ADAMTSL3: variants seen among roughly 807,000 people sequenced by gnomAD.
ADAMTSL3 encodes the protein ADAMTS like 3.
In ADAMTSL3, 128 loss-of-function variants were observed where a neutral mutation model predicts 201.7. The observed-to-expected ratio is 0.63, with a 90% confidence interval of 0.55 to 0.73. The LOEUF (loss-of-function observed/expected upper bound fraction) is 0.73, where lower values mean the gene tolerates loss of function less well. Among genes scored for constraint, ADAMTSL3 ranks in the 30% least tolerant of loss-of-function variants. The pLI is 0.00. For missense variants in ADAMTSL3, 1,990 were observed against 2,119.6 expected (o/e 0.94, Z 1.20); for synonymous variants, 738 against 748.4 (o/e 0.99, Z 0.23).
chr15:83,887,573 T>C (rs900790718), intron 10 of ADAMTSL3, among the ~76,000 whole-genome samples: 1 of 152,244 alleles, frequency 6.6e-6, no homozygotes, highest in Non-Finnish European at 1.5e-5. Flanking sequence ...TATGACTCTT[T>C]GGGTACTCTT....
chr15:83,671,459 T>C (rs1427218443), intron 2 of ADAMTSL3, among the ~76,000 whole-genome samples: 1 of 152,224 alleles, frequency 6.6e-6, no homozygotes, highest in African/African-American at 2.4e-5. Flanking sequence ...AAATATTTTA[T>C]ACTATTTTAA....
At chr15:84,018,507 T>C (rs905783395) in intron 25 of ADAMTSL3, among the ~76,000 whole-genome samples, 2 of 152,206 alleles carry the variant, frequency 1.3e-5, no homozygotes, top group African/African-American at 4.8e-5. Context: ...GAAGCCACTT[T>C]AGTGAAGACA....
rs2063521297 is a variant in ADAMTSL3, at chr15:83,801,658, ATATATATATATATATATATAT to A, written c.318-2991_318-2971del. ...TATAAATATATAAATATAAATATAT[ATATATATATATATATATATAT>A]ATATATATATATATATGTATGTATG... On this transcript the variant is annotated intron_variant, in intron 4 of 29. Coordinates refer to ENST00000286744, the MANE Select transcript of ADAMTSL3 (RefSeq NM_207517.3). Among the ~76,000 whole-genome samples, 30 of 68,830 alleles carry A rather than the reference ATATATATATATATATATATAT, an allele frequency of 4.4e-4. 2 individuals carry two copies. Among genetic ancestry groups the A allele is most frequent in the African/African-American group, 1.1e-3 (23 of 21,446 alleles). 45.2% of individuals were successfully genotyped at this position (68,830 alleles called of 152,430 possible). A position where few individuals can be genotyped will look rare whatever the true frequency, so the allele number is the denominator to read the frequency against.
At chr15:83,672,133 C>G (rs146231437) in intron 2 of ADAMTSL3, among the ~76,000 whole-genome samples, 99 of 152,208 alleles carry the variant, frequency 6.5e-4, no homozygotes, top group African/African-American at 2.2e-3. Context: ...ACCCTTAAAT[C>G]CAAATAGAAG....
At chr15:83,968,881 T>C (rs1420040438) in intron 19 of ADAMTSL3, among the ~76,000 whole-genome samples, 1 of 152,178 alleles carries the variant, frequency 6.6e-6, no homozygotes, top group Non-Finnish European at 1.5e-5. Context: ...GAGACCATCA[T>C]TCTCAGCAAA....
intron 2 of ADAMTSL3, among the ~76,000 whole-genome samples, chr15:83,695,897 G>A (rs1461751015): frequency 6.6e-6 from 1 of 151,196 alleles, no homozygotes; most frequent in Non-Finnish European, 1.5e-5. Context: ...CAGGTTCAAG[G>A]AACCAAATGT....
chr15:83,683,353 A>G (rs764898530), intron 2 of ADAMTSL3, among the ~76,000 whole-genome samples: 12 of 151,912 alleles, frequency 7.9e-5, no homozygotes, highest in East Asian at 1.9e-4. Flanking sequence ...CTGCTCCTCT[A>G]TTGTTAATCC....
rs912223814 is a variant in ADAMTSL3 at position 83,987,280 on chromosome 15, G to A, written c.3717-1411G>A. On this transcript the variant is annotated intron_variant, in intron 21 of 29. Coordinates refer to ENST00000286744, the MANE Select transcript of ADAMTSL3 (RefSeq NM_207517.3). ...GCTGTTTTGACTTCTGCCAGCTTTT[G>A]TATATTTCTTATGTGTGCTGCAGCA... 3.3e-5 allele frequency among the ~76,000 whole-genome samples: 5 copies of A among 152,250 alleles called. No homozygotes were observed. The East Asian group carries it at 7.7e-4, about 23-fold the overall frequency.
At chr15:83,815,081 C>G (rs1185865238) in intron 5 of ADAMTSL3, among the ~76,000 whole-genome samples, 1 of 152,172 alleles carries the variant, frequency 6.6e-6, no homozygotes, top group Non-Finnish European at 1.5e-5. Context: ...CTCCTCCTCT[C>G]CATCCTCTTC....
intron 23 of ADAMTSL3, among the ~76,000 whole-genome samples, chr15:84,008,720 C>G (rs1283694624): frequency 6.6e-6 from 1 of 152,120 alleles, no homozygotes; most frequent in Non-Finnish European, 1.5e-5. Context: ...CCCCTAAGCT[C>G]TAGATTAACA....
intron 21 of ADAMTSL3, 39 bp downstream of exon 21, chr15:83,983,383 C>G: frequency 3.1e-6 from 4 of 1,309,324 alleles, no homozygotes; most frequent in Non-Finnish European, 4.1e-6. Context: ...TTTTGCACTA[C>G]CTTCTTAATG....
intron 4 of ADAMTSL3, among the ~76,000 whole-genome samples, chr15:83,794,366 G>A (rs2063390903): frequency 6.6e-6 from 1 of 152,170 alleles, no homozygotes; most frequent in Admixed American, 6.5e-5. Flanking sequence ...GAATGTTTAT[G>A]CCAGTTTTAC....
At chr15:83,694,631 C>T (rs1041019933) in intron 2 of ADAMTSL3, among the ~76,000 whole-genome samples, 1 of 152,120 alleles carries the variant, frequency 6.6e-6, no homozygotes, top group African/African-American at 2.4e-5. Flanking sequence ...TGTATATTGG[C>T]AGGGCAAGGC....
chr15:83,819,905 G>A lies in ADAMTSL3; in HGVS notation c.458G>A (p.Arg153Gln), dbSNP rs760104348. The part of the protein sequence containing the change: ...YQGHYYEWLP[R>Q]YNDPAAPCAL... ...GGGCATTACTATGAATGGCTTCCAC[G>A]ATATAATGATCCTGCTGCCCCGTGT... Residue 153 changes from arginine (R) to glutamine (Q), a missense_variant, in exon 6 of 30, where the codon CGA (arginine) becomes CAA (glutamine). Physicochemically the swap from Arg to Gln is conservative, Grantham distance 43 (BLOSUM62 1). Transcript: ENST00000286744. 1.3e-5 allele frequency: 21 copies of A among 1,614,096 alleles called. No homozygotes were observed. Among genetic ancestry groups the A allele is most frequent in the Middle Eastern group, 1.7e-4 (1 of 6,060 alleles).
chr15:83,725,884 G>A (rs1174947853), intron 3 of ADAMTSL3, among the ~76,000 whole-genome samples: 1 of 151,990 alleles, frequency 6.6e-6, no homozygotes, highest in Non-Finnish European at 1.5e-5. Flanking sequence ...TGGGTCTTTT[G>A]TGGTTCCACA....
At chr15:83,769,218 A>G (rs2141732757) in intron 3 of ADAMTSL3, among the ~76,000 whole-genome samples, 1 of 152,278 alleles carries the variant, frequency 6.6e-6, no homozygotes, top group East Asian at 1.9e-4. Context: ...AAAACTCTCA[A>G]CTTTCATTTA....
intron 23 of ADAMTSL3, among the ~76,000 whole-genome samples, chr15:84,012,566 T>C (rs1436642462): frequency 6.6e-6 from 1 of 152,222 alleles, no homozygotes; most frequent in Non-Finnish European, 1.5e-5. Flanking sequence ...ACAGCTTCTG[T>C]CCTTCTCTTC....
At chr15:83,835,847 G>A (rs527919071) in intron 6 of ADAMTSL3, among the ~76,000 whole-genome samples, 1 of 152,254 alleles carries the variant, frequency 6.6e-6, no homozygotes, top group African/African-American at 2.4e-5. Flanking sequence ...GATACTTAAG[G>A]TAGAGGAAGT....
At chr15:83,831,543 T>C (rs546409105) in intron 6 of ADAMTSL3, among the ~76,000 whole-genome samples, 1 of 152,308 alleles carries the variant, frequency 6.6e-6, no homozygotes, top group African/African-American at 2.4e-5. Context: ...CTTTATTTAT[T>C]AACTTTTGAG....
Sources: gnomAD v4.1 joint callset for allele counts (sites outside exome capture counted in the v4.1 genomes callset) on GRCh38, gnomAD v4.1.1 for gene constraint, MANE v1.5 for transcripts, NCBI Gene and HGNC (gene_info 2026-07-23, HGNC 2026-07-21) for gene names.